RILPL1: variants seen among roughly 807,000 people sequenced by gnomAD.
The protein encoded by RILPL1 is RILP-like protein 1.
Under a neutral mutation model 50.3 loss-of-function variants are expected in RILPL1, and 33 were observed. The ratio of observed to expected loss-of-function variants is 0.66; its 90% CI spans 0.50 to 0.88. The LOEUF (loss-of-function observed/expected upper bound fraction) is 0.88. RILPL1 is among the 40% of genes least tolerant of loss of function. The probability of loss-of-function intolerance (pLI) is 0.00; values close to 1 mark genes in which losing one functional copy is unlikely to be tolerated. For synonymous variants in RILPL1, 205 were observed against 228.6 expected, an observed-to-expected ratio of 0.90 and a Z score of 0.93; for missense variants, 418 against 542.5, an observed-to-expected ratio of 0.77 and a Z score of 2.28.
chr12:123,495,471 T>C (rs1401567907), intron 4 of RILPL1, among the ~76,000 whole-genome samples: 10 of 149,850 alleles, frequency 6.7e-5, no homozygotes, highest in African/African-American at 2.5e-4. Flanking sequence ...GCCTCCTGGG[T>C]TCACGCCATT....
chr12:123,529,887 A>G (rs1434355645), intron 1 of RILPL1, among the ~76,000 whole-genome samples: 1 of 149,834 alleles, frequency 6.7e-6, no homozygotes, highest in African/African-American at 2.4e-5. Context: ...AAAAAAAAAA[A>G]GGAGAAAAAA....
At position 123,471,264 on chromosome 12, in the gene RILPL1, G is replaced by T. The variant is rs1226288242; in HGVS notation, c.*1274C>A. 2 of 151,912 alleles carry T rather than the reference G, an allele frequency of 1.3e-5. No individual in the cohort carries two copies. Among genetic ancestry groups the T allele is most frequent in the Admixed American group, 6.6e-5 (1 of 15,232 alleles). 9.4% of individuals were successfully genotyped at this position (151,912 alleles called of 1,614,324 possible). A position where few individuals can be genotyped will look rare whatever the true frequency, so the allele number is the denominator to read the frequency against. On this transcript the variant is annotated 3_prime_UTR_variant, in exon 7 of 7. Transcript: ENST00000376874. ...TTTTTTGTATTTTTGTAGAGATGGG[G>T]TTTCACCGTGTTGGCCAAGCTGGTC...
rs890218017 is a variant in RILPL1, at chr12:123,533,622, G to T, written c.-140C>A. 103 of 498,412 alleles carry T rather than the reference G, an allele frequency of 2.1e-4. 1 individual carries two copies. The highest frequency in any genetic ancestry group is 1.9e-3 in the African/African-American group (91 of 47,498). The allele number at this position is 498,412 out of a possible 1,614,324, so 30.9% of individuals were successfully genotyped here. On this transcript the variant is annotated 5_prime_UTR_variant, in exon 1 of 7. Transcript: ENST00000376874. This position sits in a 1 kb window ranked among gnomAD's most constrained non-coding sequence, Gnocchi z 6.2. ...GGGCGCTGGGGCGAGGGCGCAGCGG[G>T]CAGCGGGCGGCGGGCGCGGGCGCGG...
chr12:123,496,233 C>T (rs1167901369), intron 4 of RILPL1, among the ~76,000 whole-genome samples: 3 of 151,860 alleles, frequency 2.0e-5, no homozygotes, highest in African/African-American at 7.3e-5. Flanking sequence ...AGGCTGGTCT[C>T]GAACTCCTGA....
rs1881161617 is a variant in RILPL1 at position 123,470,946 on chromosome 12, C to T, written c.*1592G>A. 6.6e-6 allele frequency: 1 copy of T among 152,148 alleles called. No individual in the cohort carries two copies. The highest frequency in any genetic ancestry group is 2.1e-4 in the South Asian group (1 of 4,832). 9.4% of individuals were successfully genotyped at this position (152,148 alleles called of 1,614,324 possible). The stretch of plus-strand genomic sequence containing the variant: ...TAAATTCTAATAATTCTAATGGGCA[C>T]TCAGGTTTGAGAAACACTGCTCTAA... On this transcript the variant is annotated 3_prime_UTR_variant, in exon 7 of 7. Transcript: ENST00000376874.
chr12:123,511,367 CTG>C (rs1453271591), intron 2 of RILPL1, among the ~76,000 whole-genome samples: 4 of 65,060 alleles, frequency 6.1e-5, no homozygotes, highest in Non-Finnish European at 1.0e-4. Context: ...TGTGTGGTGT[CTG>C]TGTGAGGTCT....
At chr12:123,478,014 T>C (rs1196458709) in intron 6 of RILPL1, among the ~76,000 whole-genome samples, 4 of 78,110 alleles carry the variant, frequency 5.1e-5, no homozygotes, top group Non-Finnish European at 1.0e-4. Context: ...TTTTTTTTTT[T>C]CAGAGACAGG....
intron 4 of RILPL1, among the ~76,000 whole-genome samples, chr12:123,486,943 C>A (rs1209597656): frequency 1.3e-5 from 2 of 152,092 alleles, no homozygotes; most frequent in African/African-American, 4.8e-5. Flanking sequence ...GGATTACAGG[C>A]GCCTGCCATT....
At chr12:123,518,089 T>C (rs927688149) in intron 2 of RILPL1, among the ~76,000 whole-genome samples, 2 of 151,896 alleles carry the variant, frequency 1.3e-5, no homozygotes, top group East Asian at 3.9e-4. Flanking sequence ...GGTGGGAAAT[T>C]AGTGTTTAAT....
At chr12:123,513,409 G>A in intron 2 of RILPL1, 1 of 346,902 alleles carries the variant, frequency 2.9e-6, no homozygotes, top group Non-Finnish European at 6.1e-6. Flanking sequence ...TGGGCGGGAG[G>A]CGAGCATGAG....
At chr12:123,501,443 AAAAC>A (rs34227751) in intron 2 of RILPL1, among the ~76,000 whole-genome samples, 24 of 149,720 alleles carry the variant, frequency 1.6e-4, no homozygotes, top group African/African-American at 2.5e-4. Flanking sequence ...ACCCTGTCTC[AAAAC>A]AAACAAACAA....
At chr12:123,518,384 G>A (rs1299038003) in intron 2 of RILPL1, 3 of 407,758 alleles carry the variant, frequency 7.4e-6, no homozygotes, top group African/African-American at 4.3e-5. Context: ...GTGCACACCT[G>A]TCATCCCAGC....
chr12:123,505,646 A>G (rs1883702255), intron 2 of RILPL1, among the ~76,000 whole-genome samples: 1 of 150,808 alleles, frequency 6.6e-6, no homozygotes, highest in Non-Finnish European at 1.5e-5. Context: ...GTTTTTTTTG[A>G]CCCAGGGTCT....
At chr12:123,486,355 G>T (rs1882334247) in intron 4 of RILPL1, among the ~76,000 whole-genome samples, 1 of 152,154 alleles carries the variant, frequency 6.6e-6, no homozygotes, top group African/African-American at 2.4e-5. Flanking sequence ...CCCGGCGGGG[G>T]TGCACACTCG....
At chr12:123,525,183 G>A (rs1230767090) in intron 1 of RILPL1, among the ~76,000 whole-genome samples, 3 of 151,246 alleles carry the variant, frequency 2.0e-5, no homozygotes, top group Admixed American at 1.3e-4. Flanking sequence ...TCATAATGAC[G>A]GCTGCAAAAC....
chr12:123,510,889 GTC>G (rs1490485527), intron 2 of RILPL1, among the ~76,000 whole-genome samples: 1 of 141,644 alleles, frequency 7.1e-6, no homozygotes, highest in Non-Finnish European at 1.5e-5. Flanking sequence ...TGTGTGTGAG[GTC>G]TGTGTGTGTG....
chr12:123,528,358 C>CAA (rs35456386), intron 1 of RILPL1, among the ~76,000 whole-genome samples: 72,340 of 129,658 alleles, frequency 0.56, 20,912 homozygotes, highest in East Asian at 0.88. Context: ...GATGCTGTCT[C>CAA]AAAAAAAAAA....
chr12:123,496,552 C>T (rs1883046365), intron 4 of RILPL1, among the ~76,000 whole-genome samples: 2 of 152,216 alleles, frequency 1.3e-5, no homozygotes, highest in Non-Finnish European at 2.9e-5. Flanking sequence ...GGAGAAAACA[C>T]AAGCCTGAGT....
intron 2 of RILPL1, among the ~76,000 whole-genome samples, chr12:123,520,559 AAAAC>A (rs1199967406): frequency 1.2e-4 from 19 of 152,026 alleles, no homozygotes; most frequent in African/African-American, 3.6e-4. Context: ...ACTCCGTCTC[AAAAC>A]AAACAAACAA....
Sources: gnomAD v4.1 joint callset for allele counts (sites outside exome capture counted in the v4.1 genomes callset) on GRCh38, gnomAD v4.1.1 for gene constraint, Gnocchi (gnomAD v3.1) non-coding constraint, MANE v1.5 for transcripts, NCBI Gene and HGNC (gene_info 2026-07-23, HGNC 2026-07-21) for gene names.